The following PCDH9 variants were observed in gnomAD, a reference collection of about 807,000 sequenced individuals.
The protein encoded by PCDH9 is protocadherin 9, also known as protocadherin-9.
A neutral mutation model predicts 70.6 loss-of-function variants in PCDH9; 24 were observed. The observed-to-expected ratio is 0.34, with a 90% CI of 0.25 to 0.48. The LOEUF is 0.48. Among genes scored for constraint, PCDH9 ranks in the 20% least tolerant of loss-of-function variants. The pLI is 0.99. For missense variants in PCDH9, 1,281 were observed against 1,503.6 expected (o/e 0.85, Z 2.45); for synonymous variants, 562 against 558.5 (o/e 1.01, Z -0.09).
At chr13:66,575,284 A>C (rs184275407) in intron 4 of PCDH9, among the ~76,000 whole-genome samples, 4 of 152,182 alleles carry the variant, frequency 2.6e-5, no homozygotes, top group African/African-American at 7.2e-5. Flanking sequence ...ACAGGCATAC[A>C]TGTTAGTATT....
chr13:66,865,877 A>T (rs1209669358), intron 3 of PCDH9, among the ~76,000 whole-genome samples: 1 of 152,238 alleles, frequency 6.6e-6, no homozygotes, highest in East Asian at 1.9e-4. Context: ...GTTTTTACAA[A>T]TAATTTGAAT....
intron 2 of PCDH9, among the ~76,000 whole-genome samples, chr13:67,097,188 T>C (rs1465582234): frequency 3.9e-5 from 6 of 152,032 alleles, no homozygotes; most frequent in African/African-American, 1.4e-4. Context: ...CCAGGGAGGT[T>C]GAGACTATAG....
At chr13:66,844,127 A>G (rs1028049240) in intron 3 of PCDH9, among the ~76,000 whole-genome samples, 1 of 152,064 alleles carries the variant, frequency 6.6e-6, no homozygotes, top group African/African-American at 2.4e-5. Flanking sequence ...TAGAGAGGAA[A>G]CCCTACAAAT....
At chr13:66,527,850 T>C (rs1235737669) in intron 4 of PCDH9, among the ~76,000 whole-genome samples, 1 of 152,086 alleles carries the variant, frequency 6.6e-6, no homozygotes, top group Non-Finnish European at 1.5e-5. Context: ...AAATCCCGTC[T>C]CTACTAAAAA....
chr13:67,047,111 C>T (rs1462402381), intron 2 of PCDH9, among the ~76,000 whole-genome samples: 1 of 151,858 alleles, frequency 6.6e-6, no homozygotes, highest in East Asian at 1.9e-4. Context: ...AGCACTTAGC[C>T]CAGGATAATG....
chr13:66,939,698 A>T (rs987162640), intron 2 of PCDH9, among the ~76,000 whole-genome samples: 50 of 152,236 alleles, frequency 3.3e-4, no homozygotes, highest in African/African-American at 1.2e-3. Flanking sequence ...AATTACAGGC[A>T]TGAGTCACCA....
At chr13:66,449,811 G>A (rs1460173874) in intron 4 of PCDH9, among the ~76,000 whole-genome samples, 1 of 151,892 alleles carries the variant, frequency 6.6e-6, no homozygotes, top group Non-Finnish European at 1.5e-5. Flanking sequence ...CTTTAATAAA[G>A]ATTATATTAT....
At chr13:66,723,270 A>G (rs1729343914) in intron 3 of PCDH9, among the ~76,000 whole-genome samples, 1 of 152,276 alleles carries the variant, frequency 6.6e-6, no homozygotes, top group Middle Eastern at 3.4e-3. Flanking sequence ...ACAACAAAAG[A>G]GGGAGTTAAC....
At chr13:66,864,015 G>C (rs906252985) in intron 3 of PCDH9, among the ~76,000 whole-genome samples, 4 of 152,046 alleles carry the variant, frequency 2.6e-5, no homozygotes, top group Admixed American at 2.6e-4. Context: ...GACAAGTGCC[G>C]AGTAAAAGGG....
chr13:67,020,391 A>G (rs1358583597), intron 2 of PCDH9, among the ~76,000 whole-genome samples: 1 of 152,232 alleles, frequency 6.6e-6, no homozygotes, highest in African/African-American at 2.4e-5. Flanking sequence ...TCACTGTTCA[A>G]GTAAAGCTTT....
At chr13:66,789,461 G>T (rs1308628627) in intron 3 of PCDH9, among the ~76,000 whole-genome samples, 1 of 151,916 alleles carries the variant, frequency 6.6e-6, no homozygotes, top group Non-Finnish European at 1.5e-5. Flanking sequence ...CATCAAAAGA[G>T]TCTCTATACA....
rs1348349923 is a variant in PCDH9, at chr13:67,224,469, C to T, written c.3036+936G>A. 3.9e-5 allele frequency: 6 copies of T among 152,138 alleles called. No homozygotes were observed. In the East Asian group the frequency reaches 9.6e-4, roughly 24 times the overall value. The allele number at this position is 152,138 out of a possible 1,614,324, so 9.4% of individuals were successfully genotyped here. ...TATTATCGATATTCAAATTTTGTGG[C>T]AACAGACAAGCACCAGTGAAATAAA... On this transcript the variant is annotated intron_variant, in intron 2 of 4. Coordinates refer to ENST00000377865, the MANE Select transcript of PCDH9 (RefSeq NM_203487.3).
chr13:66,356,265 T>C (rs1256316127), intron 4 of PCDH9, among the ~76,000 whole-genome samples: 1 of 152,178 alleles, frequency 6.6e-6, no homozygotes, highest in Non-Finnish European at 1.5e-5. Flanking sequence ...AATTAAGCTT[T>C]TGCAGAATCC....
chr13:66,439,896 A>C (rs1957942612), intron 4 of PCDH9, among the ~76,000 whole-genome samples: 1 of 152,142 alleles, frequency 6.6e-6, no homozygotes, highest in Non-Finnish European at 1.5e-5. Flanking sequence ...AAGGGTTACA[A>C]GTTTAACATC....
intron 3 of PCDH9, among the ~76,000 whole-genome samples, chr13:66,712,660 T>C (rs1434218999): frequency 6.6e-6 from 1 of 152,150 alleles, no homozygotes; most frequent in Non-Finnish European, 1.5e-5. Flanking sequence ...TACTGGAAAT[T>C]ATACTGTCAG....
chr13:66,615,110 G>T (rs961044275), intron 4 of PCDH9, among the ~76,000 whole-genome samples: 1 of 152,216 alleles, frequency 6.6e-6, no homozygotes. Context: ...TGGGCGCTAA[G>T]AACATAAAGT....
intron 4 of PCDH9, among the ~76,000 whole-genome samples, chr13:66,465,027 T>A (rs1263429238): frequency 6.6e-6 from 1 of 151,904 alleles, no homozygotes; most frequent in African/African-American, 2.4e-5. Context: ...ATATTTAGGG[T>A]GAAAGCATAT....
intron 4 of PCDH9, among the ~76,000 whole-genome samples, chr13:66,542,330 T>C (rs1371502654): frequency 6.6e-6 from 1 of 152,144 alleles, no homozygotes; most frequent in Non-Finnish European, 1.5e-5. Flanking sequence ...CACCCAGTTA[T>C]GCAATCAGAT....
At chr13:66,865,858 A>C (rs1174774737) in intron 3 of PCDH9, among the ~76,000 whole-genome samples, 1 of 152,226 alleles carries the variant, frequency 6.6e-6, no homozygotes, top group Admixed American at 6.5e-5. Flanking sequence ...TTGAAAATGC[A>C]CCTTTTCTGT....
Sources: allele counts gnomAD v4.1 joint callset (sites outside exome capture counted in the v4.1 genomes callset), GRCh38; gene constraint gnomAD v4.1.1; transcripts MANE v1.5; gene names NCBI Gene and HGNC (gene_info 2026-07-23, HGNC 2026-07-21).